PHC2: variants seen among roughly 807,000 people sequenced by gnomAD.
PHC2 encodes the protein polyhomeotic homolog 2, also known as polyhomeotic-like protein 2.
Under a neutral mutation model 87.4 loss-of-function variants are expected in PHC2, and 29 were observed. The ratio of observed to expected loss-of-function variants is 0.33; its 90% CI spans 0.25 to 0.45. The LOEUF is 0.45. PHC2 is among the 20% of genes least tolerant of loss of function. The pLI is 1.00. For missense variants in PHC2, 857 were observed against 1,136.7 expected (o/e 0.75, Z 3.54); for synonymous variants, 438 against 461.7 (o/e 0.95, Z 0.66).
chr1:33,407,729 G>C (rs1649821087), intron 1 of PHC2, among the ~76,000 whole-genome samples: 1 of 152,180 alleles, frequency 6.6e-6, no homozygotes, highest in African/African-American at 2.4e-5. Flanking sequence ...TTCAGAGAGA[G>C]AGGTATTTTT....
Position 33,372,412 on chromosome 1 carries a change from C to G in PHC2, c.210G>C (p.Thr70=), listed in dbSNP as rs372151966. 3 of 1,598,526 alleles carry G rather than the reference C, an allele frequency of 1.9e-6. No homozygotes were observed. Among genetic ancestry groups the G allele is most frequent in the Non-Finnish European group, 2.6e-6 (3 of 1,170,626 alleles). The change falls in exon 3 of 15, where the codon ACG becomes ACC. Residue 70 remains threonine (T), a synonymous_variant. Coordinates refer to ENST00000683057, the MANE Select transcript of PHC2 (RefSeq NM_001385109.1). Reference sequence around the variant, plus strand: ...ACATCTGCTGCAGGTACTGAGCGGCCGTGCTGGGCTGTCTGTGCAGGGCCT... The same window carrying G: ...ACATCTGCTGCAGGTACTGAGCGGCGGTGCTGGGCTGTCTGTGCAGGGCCT... ...IQQALHRQPS[T]AAQYLQQMYA... is the part of the protein sequence containing the mutation.
intron 1 of PHC2, among the ~76,000 whole-genome samples, chr1:33,421,765 T>C (rs534485550): frequency 6.6e-6 from 1 of 152,148 alleles, no homozygotes; most frequent in Non-Finnish European, 1.5e-5. Context: ...TGAACAAACA[T>C]ATATATTCAA....
At chr1:33,389,440 C>T (rs1648938860) in intron 1 of PHC2, among the ~76,000 whole-genome samples, 1 of 152,216 alleles carries the variant, frequency 6.6e-6, no homozygotes, top group Non-Finnish European at 1.5e-5. Flanking sequence ...CTCCTTTCCT[C>T]CATCTTCTTT....
Position 33,384,002 on chromosome 1 carries a change from G to C in PHC2, c.-54-8409C>G, listed in dbSNP as rs139718708. On this transcript the variant is annotated intron_variant, in intron 1 of 14. Transcript: ENST00000683057. ...GTTGTTTTAAGCCACCCAGTTTGTG[G>C]TAATTTGTTAAGGCGGCCTTAGGGA... 7.6e-4 allele frequency among the ~76,000 whole-genome samples: 116 copies of C among 152,270 alleles called. 1 individual carries two copies. The East Asian group carries it at 0.019, about 25-fold the overall frequency.
In PHC2 at chr1:33,364,200, C is replaced by T. The variant is rs1003266864; in HGVS notation, c.976+2916G>A. The stretch of plus-strand genomic sequence containing the variant: ...TCTGCCTGCTCTGGGAGGAAACAGC[C>T]CCCAGGAGAACACATTCCTCACTGC... On this transcript the variant is annotated intron_variant, in intron 7 of 14. Coordinates refer to ENST00000683057, the MANE Select transcript of PHC2 (RefSeq NM_001385109.1). This position sits in a 1 kb window ranked among gnomAD's most constrained non-coding sequence, Gnocchi z 4.1. Among the ~76,000 whole-genome samples, 2 of 152,052 alleles carry T rather than the reference C, an allele frequency of 1.3e-5. No individual in the cohort carries two copies. The highest frequency in any genetic ancestry group is 2.1e-4 in the South Asian group (1 of 4,828).
chr1:33,374,827 TAA>T (rs1401701957), intron 2 of PHC2, among the ~76,000 whole-genome samples: 1 of 152,166 alleles, frequency 6.6e-6, no homozygotes, highest in Non-Finnish European at 1.5e-5. Flanking sequence ...TGCCTAATAA[TAA>T]CCAAAAGGAT....
chr1:33,397,916 G>C lies in PHC2; in HGVS notation c.-54-22323C>G, dbSNP rs140130863. On this transcript the variant is annotated intron_variant, in intron 1 of 14. Transcript: ENST00000683057. ...ACAGTGATGCCTCCCGGGGAGTAGG[G>C]GGAGGCATGCTTTTCACCGTATACT... Among the ~76,000 whole-genome samples, 6 of 152,176 alleles carry C rather than the reference G, an allele frequency of 3.9e-5. No individual in the cohort carries two copies. The East Asian group carries it at 7.7e-4, about 20-fold the overall frequency.
chr1:33,347,274 C>T, intron 9 of PHC2: 1 of 985,328 alleles, frequency 1.0e-6, no homozygotes, highest in Non-Finnish European at 1.2e-6. Context: ...ACAGTGCCTT[C>T]CTAAGAGGCT....
intron 2 of PHC2, among the ~76,000 whole-genome samples, chr1:33,372,790 G>T (rs189009813): frequency 6.6e-6 from 1 of 152,300 alleles, no homozygotes; most frequent in East Asian, 1.9e-4. Context: ...AGACAGAAGG[G>T]TCTCCACCAG....
intron 6 of PHC2, among the ~76,000 whole-genome samples, chr1:33,367,955 G>A (rs1290356772): frequency 1.3e-5 from 2 of 152,160 alleles, no homozygotes; most frequent in Non-Finnish European, 2.9e-5. Flanking sequence ...CCCTCTGCTG[G>A]ACACAGGGAG....
chr1:33,355,142 G>A lies in PHC2; in HGVS notation c.1088C>T (p.Pro363Leu), dbSNP rs1348336970. The A allele has an allele frequency of 6.2e-7, 1 of 1,611,356 alleles. No homozygotes were observed. Among genetic ancestry groups the A allele is most frequent in the Admixed American group, 1.7e-5 (1 of 59,840 alleles). ...QPQPQQQQPP[P>L]QQSRPVLQAE... The stretch of plus-strand genomic sequence containing the variant: ...TTGGAGCACAGGCCGTGACTGCTGG[G>A]GCGGCGGCTGCTGCTGTTGTGGCTG... The change falls in exon 8 of 15, where the codon CCC (proline) becomes CTC (leucine). Residue 363 changes from proline to leucine, a missense_variant. Physicochemically the swap from Pro to Leu is moderately conservative, Grantham distance 98. Transcript: ENST00000683057.
In PHC2 at chr1:33,375,549, T is replaced by C; in HGVS notation, c.-10A>G. ...GCAGCTCATTCTCCATGGCCTGCAG[T>C]GTGGCGCAGTCAGGGCGCTCGGATG... On this transcript the variant is annotated 5_prime_UTR_variant, in exon 2 of 15. Transcript: ENST00000683057. 1.3e-6 allele frequency: 2 copies of C among 1,516,250 alleles called. No homozygotes were observed. The highest frequency in any genetic ancestry group is 1.8e-6 in the Non-Finnish European group (2 of 1,124,050). 93.9% of individuals were successfully genotyped at this position (1,516,250 alleles called of 1,614,324 possible).
In PHC2 at chr1:33,329,116, C is replaced by T; in HGVS notation, c.2179G>A (p.Ala727Thr). 6.2e-7 allele frequency: 1 copy of T among 1,614,120 alleles called. No homozygotes were observed. Among genetic ancestry groups the T allele is most frequent in the Non-Finnish European group, 8.5e-7 (1 of 1,180,018 alleles). Residue 727 changes from alanine (A) to threonine (T), a missense_variant, in exon 14 of 15, where the codon GCT (alanine) becomes ACT (threonine). By Grantham distance (58) the Ala-to-Thr change is moderately conservative. Around this residue, in one of 3 missense-constraint regions of PHC2, gnomAD observed 832 missense variants for 1,081.8 expected, o/e 0.77. Coordinates refer to ENST00000683057, the MANE Select transcript of PHC2 (RefSeq NM_001385109.1). ...TGGCTGTGTGTTAGCTGCAAAGCAG[C>T]AGTAACCGAAAGGGGCACAGTGCCT... ...PTGTVPLSVTAALQLTHSQED... is the reference protein window; with the variant it reads ...PTGTVPLSVTTALQLTHSQED...
intron 7 of PHC2, among the ~76,000 whole-genome samples, chr1:33,357,678 T>A (rs1647116885): frequency 6.6e-6 from 1 of 152,210 alleles, no homozygotes; most frequent in Non-Finnish European, 1.5e-5. Flanking sequence ...TGTGTCTCCT[T>A]ATCTCACATT....
In PHC2 at chr1:33,329,145, G is replaced by T; in HGVS notation, c.2150C>A (p.Pro717Gln). The stretch of plus-strand genomic sequence containing the variant: ...AACCGAAAGGGGCACAGTGCCTGTT[G>T]GCTGGGAGCAGAGAGTTTTCTTCAG... ...PPLTKDTKKQPTGTVPLSVTA... is the reference protein window; with the variant it reads ...PPLTKDTKKQQTGTVPLSVTA... Residue 717 changes from proline to glutamine, a missense_variant and splice_region_variant, in exon 14 of 15, where the codon CCA becomes CAA. By Grantham distance (76) the Pro-to-Gln change is moderately conservative. Around this residue, in one of 3 missense-constraint regions of PHC2, gnomAD observed 832 missense variants for 1,081.8 expected, o/e 0.77. Coordinates refer to ENST00000683057, the MANE Select transcript of PHC2 (RefSeq NM_001385109.1). The T allele has an allele frequency of 6.2e-7, 1 of 1,610,324 alleles. No homozygotes were observed. Among genetic ancestry groups the T allele is most frequent in the Non-Finnish European group, 8.5e-7 (1 of 1,177,162 alleles).
chr1:33,398,535 C>A (rs1215090883), intron 1 of PHC2, among the ~76,000 whole-genome samples: 2 of 152,058 alleles, frequency 1.3e-5, no homozygotes, highest in Admixed American at 1.3e-4. Flanking sequence ...TTATCCTTTT[C>A]TTTATTTTCC....
chr1:33,429,949 T>C (rs1650833113), intron 1 of PHC2, among the ~76,000 whole-genome samples: 1 of 152,236 alleles, frequency 6.6e-6, no homozygotes, highest in Admixed American at 6.5e-5. Context: ...AAATATTTTT[T>C]ACCCCACACT....
At chr1:33,330,284 G>T in intron 12 of PHC2, 72 bp from the exon 13 acceptor site, 1 of 1,542,640 alleles carries the variant, frequency 6.5e-7, no homozygotes, top group South Asian at 1.1e-5. Flanking sequence ...AATGAGCACA[G>T]CCAAGCTGTC....
At chr1:33,351,678 C>T (rs766506545) in intron 9 of PHC2, among the ~76,000 whole-genome samples, 12 of 152,086 alleles carry the variant, frequency 7.9e-5, no homozygotes, top group Admixed American at 1.3e-4. Flanking sequence ...ATGGGCCGGG[C>T]GCAGTGGCTC....
Sources: allele counts gnomAD v4.1 joint callset (sites outside exome capture counted in the v4.1 genomes callset), GRCh38; gene constraint gnomAD v4.1.1; regional missense constraint gnomAD v4.1.1; non-coding constraint Gnocchi (gnomAD v3.1); transcripts MANE v1.5; gene names NCBI Gene and HGNC (gene_info 2026-07-23, HGNC 2026-07-21).